MORC1: variants seen among roughly 807,000 people sequenced by gnomAD.
The protein encoded by MORC1 is MORC family CW-type zinc finger 1.
In MORC1, 59 loss-of-function variants were observed where a neutral mutation model predicts 134.9. That is an observed-to-expected ratio of 0.44 (90% CI 0.35 to 0.54). The LOEUF (loss-of-function observed/expected upper bound fraction) is 0.54. Among genes scored for constraint, MORC1 ranks in the 20% least tolerant of loss-of-function variants. The pLI is 0.00. For missense variants in MORC1, 947 were observed against 1,134.5 expected, an observed-to-expected ratio of 0.83 and a Z score of 2.37; for synonymous variants, 395 against 391.7, an observed-to-expected ratio of 1.01 and a Z score of -0.10.
chr3:109,056,846 G>C (rs955599001), intron 13 of MORC1, among the ~76,000 whole-genome samples: 2 of 152,152 alleles, frequency 1.3e-5, no homozygotes, highest in African/African-American at 4.8e-5. Flanking sequence ...GATGAAAGCA[G>C]CTTGAGAAGT....
intron 14 of MORC1, among the ~76,000 whole-genome samples, chr3:109,052,193 G>A (rs557533020): frequency 3.3e-5 from 5 of 152,080 alleles, no homozygotes; most frequent in African/African-American, 4.8e-5. Flanking sequence ...TACCTTACAC[G>A]TTTTCTACAG....
At chr3:109,049,222 T>G in intron 14 of MORC1, 1 of 866,758 alleles carries the variant, frequency 1.2e-6, no homozygotes, top group Non-Finnish European at 1.4e-6. Flanking sequence ...GAAAACAAAA[T>G]TCTGTTGTGA....
intron 24 of MORC1, among the ~76,000 whole-genome samples, chr3:108,972,986 C>A (rs1049993524): frequency 1.3e-5 from 2 of 152,184 alleles, no homozygotes; most frequent in African/African-American, 4.8e-5. Context: ...CGATTACTTT[C>A]AATCTGTGGC....
At chr3:109,014,317 T>C (rs1417001612) in intron 17 of MORC1, among the ~76,000 whole-genome samples, 2 of 152,222 alleles carry the variant, frequency 1.3e-5, no homozygotes, top group African/African-American at 4.8e-5. Flanking sequence ...TTTTTATCTG[T>C]AGTACCTCAT....
intron 26 of MORC1, among the ~76,000 whole-genome samples, chr3:108,969,461 T>C (rs897665074): frequency 6.6e-6 from 1 of 152,228 alleles, no homozygotes; most frequent in African/African-American, 2.4e-5. Context: ...AAGTGTTTCA[T>C]AGCTTTATGT....
chr3:108,989,220 T>C (rs1292235153), intron 21 of MORC1, among the ~76,000 whole-genome samples: 1 of 152,222 alleles, frequency 6.6e-6, no homozygotes, highest in Non-Finnish European at 1.5e-5. Context: ...TTTACATTAA[T>C]TGGTTTCCTT....
At chr3:108,961,762 G>A (rs1947086671) in intron 27 of MORC1, among the ~76,000 whole-genome samples, 1 of 152,206 alleles carries the variant, frequency 6.6e-6, no homozygotes, top group African/African-American at 2.4e-5. Context: ...AATTAGTATG[G>A]TTACTCTGGC....
chr3:108,989,388 A>C (rs957656817), intron 21 of MORC1, among the ~76,000 whole-genome samples: 1 of 152,228 alleles, frequency 6.6e-6, no homozygotes, highest in Admixed American at 6.5e-5. Context: ...AGTTTAAGAC[A>C]TCTTAATTAA....
Position 109,063,216 on chromosome 3 carries a change from G to C in MORC1, c.831C>G (p.Val277=). The C allele has an allele frequency of 1.3e-6, 2 of 1,585,188 alleles. No individual in the cohort carries two copies. Among genetic ancestry groups the C allele is most frequent in the Non-Finnish European group, 1.7e-6 (2 of 1,156,784 alleles). The change falls in exon 10 of 28, where the codon GTC becomes GTG. Residue 277 remains valine, a synonymous_variant. Transcript: ENST00000232603. ...TAAATGCTCCTTTAAAAGAAGATGT[G>C]ACATAAAGATACTTTCTGGAAAGAA... is the stretch of plus-strand genomic sequence containing the variant. The part of the protein sequence containing the change: ...CLYRPRKYLY[V]TSSFKGAFKD...
At position 108,959,099 on chromosome 3, in the gene MORC1, C is replaced by G. The variant is rs754083133; in HGVS notation, c.2821G>C (p.Glu941Gln). Reference sequence around the variant, plus strand: ...GCTTCTAAATAAGTGTCAGTCTGCTCCAGGTCACCTTCTGGACCACCCTGG... The same window carrying G: ...GCTTCTAAATAAGTGTCAGTCTGCTGCAGGTCACCTTCTGGACCACCCTGG... ...LQLGGPEGDLEQTDTYLEALL... is the reference protein window; with the variant it reads ...LQLGGPEGDLQQTDTYLEALL... Residue 941 changes from glutamate (E) to glutamine (Q), a missense_variant, in exon 28 of 28, where the codon GAG becomes CAG. This residue lies in a region of MORC1 where 722 missense variants were observed against 817.0 expected (regional missense o/e 0.88). Transcript: ENST00000232603. The G allele has an allele frequency of 2.0e-5, 31 of 1,580,712 alleles. No homozygotes were observed. The highest frequency in any genetic ancestry group is 3.6e-4 in the Middle Eastern group (2 of 5,550).
chr3:108,988,288 T>C (rs763003581), intron 21 of MORC1, among the ~76,000 whole-genome samples: 1 of 152,170 alleles, frequency 6.6e-6, no homozygotes, highest in South Asian at 2.1e-4. Context: ...AAAAGCCTTA[T>C]GGATAAGGGG....
At chr3:108,961,882 A>T (rs1171909895) in intron 27 of MORC1, among the ~76,000 whole-genome samples, 1 of 152,222 alleles carries the variant, frequency 6.6e-6, no homozygotes, top group Non-Finnish European at 1.5e-5. Context: ...ATTATTTTAT[A>T]AACTTGTTTA....
At chr3:108,968,695 A>G (rs752995615) in intron 26 of MORC1, among the ~76,000 whole-genome samples, 17 of 152,210 alleles carry the variant, frequency 1.1e-4, no homozygotes, top group Non-Finnish European at 2.2e-4. Flanking sequence ...TTTTCATTAT[A>G]TGAGAGCTTT....
rs1338748319 is a variant in MORC1 at position 109,114,410 on chromosome 3, T to C, written c.93A>G (p.Ala31=). Residue 31 remains alanine, a synonymous_variant, in exon 2 of 28, where the codon GCA becomes GCG. Transcript: ENST00000232603. Reference sequence around the variant, plus strand: ...TTGCATTGTCCAGCAATTCAGCCAGTGCTCCAAAAAGGAAACTGTGAGTGG... The same window carrying C: ...TTGCATTGTCCAGCAATTCAGCCAGCGCTCCAAAAAGGAAACTGTGAGTGG... ...NSTTHSFLFG[A]LAELLDNARD... 3.7e-6 allele frequency: 6 copies of C among 1,613,260 alleles called. No individual in the cohort carries two copies. Among genetic ancestry groups the C allele is most frequent in the Middle Eastern group, 3.3e-4 (2 of 6,076 alleles).
intron 9 of MORC1, 69 bp from the exon 10 acceptor site, chr3:109,063,300 T>C (rs550897453): frequency 1.0e-6 from 1 of 999,482 alleles, no homozygotes; most frequent in Admixed American, 1.8e-5. Flanking sequence ...CAATATTCTT[T>C]AGTAAGACTA....
intron 13 of MORC1, among the ~76,000 whole-genome samples, chr3:109,055,777 G>T (rs546634719): frequency 3.3e-5 from 5 of 152,142 alleles, no homozygotes; most frequent in African/African-American, 1.2e-4. Flanking sequence ...CTCTTTTACC[G>T]AAGGGTGGCA....
At chr3:109,075,346 G>A (rs924590236) in intron 8 of MORC1, among the ~76,000 whole-genome samples, 1 of 152,104 alleles carries the variant, frequency 6.6e-6, no homozygotes, top group South Asian at 2.1e-4. Flanking sequence ...CACACAATGG[G>A]AATTATTAAA....
At chr3:108,967,423 C>T (rs1320131124) in intron 26 of MORC1, among the ~76,000 whole-genome samples, 2 of 152,154 alleles carry the variant, frequency 1.3e-5, no homozygotes, top group Non-Finnish European at 2.9e-5. Context: ...AGGAGCCTTA[C>T]AGATAAGCTC....
At chr3:109,114,817 T>C (rs1951236223) in intron 1 of MORC1, among the ~76,000 whole-genome samples, 1 of 152,264 alleles carries the variant, frequency 6.6e-6, no homozygotes, top group Non-Finnish European at 1.5e-5. Context: ...TGAAGAATAC[T>C]GATCAAAATC....
Sources: allele counts gnomAD v4.1 joint callset (sites outside exome capture counted in the v4.1 genomes callset), GRCh38; gene constraint gnomAD v4.1.1; regional missense constraint gnomAD v4.1.1; transcripts MANE v1.5; gene names NCBI Gene and HGNC (gene_info 2026-07-23, HGNC 2026-07-21).